Variants in BANP observed in about 807,000 individuals in gnomAD.
The protein encoded by BANP is BTG3 associated nuclear protein.
A neutral mutation model predicts 68.1 loss-of-function variants in BANP; 11 were observed. That is an observed-to-expected ratio of 0.16 (90% confidence interval 0.10 to 0.27). The LOEUF (loss-of-function observed/expected upper bound fraction) is 0.27, where lower values mean the gene tolerates loss of function less well. Among genes scored for constraint, BANP ranks in the 10% least tolerant of loss-of-function variants. The probability of loss-of-function intolerance (pLI) is 1.00; values close to 1 mark genes in which losing one functional copy is unlikely to be tolerated. For missense variants in BANP, 504 were observed against 722.7 expected (o/e 0.70, Z 3.47); for synonymous variants, 329 against 303.2 (o/e 1.09, Z -0.88).
At chr16:88,061,945 C>T (rs551078726) in intron 11 of BANP, among the ~76,000 whole-genome samples, 1 of 152,056 alleles carries the variant, frequency 6.6e-6, no homozygotes, top group African/African-American at 2.4e-5. Flanking sequence ...AGGCATGAGC[C>T]ACCACGCCCA....
chr16:88,026,669 G>A (rs1234557555), intron 7 of BANP, among the ~76,000 whole-genome samples: 1 of 151,556 alleles, frequency 6.6e-6, no homozygotes, highest in South Asian at 2.1e-4. Flanking sequence ...GGGGGACAGA[G>A]TAACAATACA....
intron 11 of BANP, among the ~76,000 whole-genome samples, chr16:88,046,352 G>T (rs756724724): frequency 2.6e-5 from 4 of 152,178 alleles, no homozygotes; most frequent in African/African-American, 9.7e-5. Context: ...TTTAAAGCAG[G>T]TCATCTGAAC....
At chr16:88,006,702 C>T (rs904142119) in intron 6 of BANP, among the ~76,000 whole-genome samples, 10 of 150,850 alleles carry the variant, frequency 6.6e-5, no homozygotes, top group African/African-American at 2.4e-4. Flanking sequence ...ACCTGTAATT[C>T]CAGCACTTTG....
rs371908360 is a variant in BANP at position 88,020,727 on chromosome 16, C to T, written c.895+2060C>T. Among the ~76,000 whole-genome samples, 4 of 152,208 alleles carry T rather than the reference C, an allele frequency of 2.6e-5. No individual in the cohort carries two copies. In the East Asian group the frequency reaches 5.8e-4, roughly 22 times the overall value. Reference sequence around the variant, plus strand: ...TCCCAGGTGAGGAGTCCCTGCTCCTCGGGGGAGAAGACAGGGGCCTTGGAT... The same window carrying T: ...TCCCAGGTGAGGAGTCCCTGCTCCTTGGGGGAGAAGACAGGGGCCTTGGAT... On this transcript the variant is annotated intron_variant, in intron 7 of 13. Coordinates refer to ENST00000682872, the MANE Select transcript of BANP (RefSeq NM_001386991.1).
intron 1 of BANP, among the ~76,000 whole-genome samples, chr16:87,960,986 C>G (rs915546549): frequency 6.6e-6 from 1 of 152,182 alleles, no homozygotes. Context: ...AGTGCTAATG[C>G]TGATGAACCG....
At chr16:87,995,477 G>GA (rs1314701589) in intron 4 of BANP, among the ~76,000 whole-genome samples, 1 of 152,132 alleles carries the variant, frequency 6.6e-6, no homozygotes, top group Non-Finnish European at 1.5e-5. Context: ...TAAGTAGAAA[G>GA]AAAAAATTAC....
At chr16:88,021,948 G>T (rs1407986636) in intron 7 of BANP, among the ~76,000 whole-genome samples, 36 of 152,162 alleles carry the variant, frequency 2.4e-4, no homozygotes, top group Non-Finnish European at 5.9e-5. Context: ...AGTAGGTAAA[G>T]TCTCTAAGTA....
At chr16:87,964,692 A>T (rs2059738956) in intron 1 of BANP, among the ~76,000 whole-genome samples, 1 of 147,728 alleles carries the variant, frequency 6.8e-6, no homozygotes, top group South Asian at 2.1e-4. Flanking sequence ...GCAGAGGTGC[A>T]GGTGACAGTG....
intron 11 of BANP, among the ~76,000 whole-genome samples, chr16:88,058,680 T>C (rs542269292): frequency 6.6e-6 from 1 of 152,022 alleles, no homozygotes; most frequent in Non-Finnish European, 1.5e-5. Flanking sequence ...CCGGGGTTTG[T>C]AGGAAGCCTG....
intron 7 of BANP, among the ~76,000 whole-genome samples, chr16:88,026,104 C>T (rs1804969674): frequency 6.6e-6 from 1 of 152,250 alleles, no homozygotes; most frequent in Non-Finnish European, 1.5e-5. Context: ...TACAGGGCAT[C>T]TCTGGATGCT....
chr16:88,066,022 C>T (rs367757403), intron 12 of BANP, among the ~76,000 whole-genome samples: 187 of 152,316 alleles, frequency 1.2e-3, no homozygotes, highest in African/African-American at 4.3e-3. Context: ...GTGGCTTTTA[C>T]GAGCCTGGGA....
At chr16:88,023,790 C>T in intron 7 of BANP, among the ~76,000 whole-genome samples, 1 of 152,184 alleles carries the variant, frequency 6.6e-6, no homozygotes, top group East Asian at 1.9e-4. Context: ...GTAGTGGAGA[C>T]TCTTTAGCTC....
At chr16:88,026,337 G>A (rs531816287) in intron 7 of BANP, among the ~76,000 whole-genome samples, 1 of 152,196 alleles carries the variant, frequency 6.6e-6, no homozygotes, top group Non-Finnish European at 1.5e-5. Context: ...GAGAAGGCAC[G>A]ATAGAGAGGC....
intron 11 of BANP, among the ~76,000 whole-genome samples, chr16:88,055,053 A>G (rs2084641466): frequency 6.6e-6 from 1 of 152,080 alleles, no homozygotes; most frequent in African/African-American, 2.4e-5. Flanking sequence ...TAGATCATGA[A>G]TCATGAAATT....
At chr16:87,999,193 C>T (rs77523975) in intron 4 of BANP, among the ~76,000 whole-genome samples, 2 of 141,490 alleles carry the variant, frequency 1.4e-5, no homozygotes, top group Admixed American at 6.9e-5. Flanking sequence ...CGCACGTGCG[C>T]GGCTGTACTT....
intron 12 of BANP, among the ~76,000 whole-genome samples, chr16:88,068,369 A>G (rs1336401361): frequency 6.6e-6 from 1 of 152,250 alleles, no homozygotes; most frequent in Non-Finnish European, 1.5e-5. Flanking sequence ...TTACCAGTCA[A>G]GTCCCTGCAC....
chr16:87,950,006 T>C (rs2056657729), upstream of BANP, among the ~76,000 whole-genome samples: 1 of 151,280 alleles, frequency 6.6e-6, no homozygotes, highest in Non-Finnish European at 1.5e-5. Context: ...GCCTCCCGAG[T>C]AGCTGGGACT....
At chr16:87,964,746 G>A (rs535318761) in intron 1 of BANP, among the ~76,000 whole-genome samples, 7 of 152,346 alleles carry the variant, frequency 4.6e-5, no homozygotes, top group African/African-American at 1.7e-4. Flanking sequence ...CCTGGGTCCA[G>A]GTTGGGAGTG....
At chr16:87,972,445 G>A (rs921761981) in intron 1 of BANP, among the ~76,000 whole-genome samples, 4 of 137,424 alleles carry the variant, frequency 2.9e-5, no homozygotes, top group African/African-American at 9.3e-5. Context: ...TTTAGTTTTC[G>A]TCTTTTTGGG....
Sources: allele counts gnomAD v4.1 joint callset (sites outside exome capture counted in the v4.1 genomes callset), GRCh38; gene constraint gnomAD v4.1.1; transcripts MANE v1.5; gene names NCBI Gene and HGNC (gene_info 2026-07-23, HGNC 2026-07-21).